The following USH2A variants were observed in gnomAD, a reference collection of about 807,000 sequenced individuals.
The protein encoded by USH2A is usherin, also known as Usher syndrome 2A (autosomal recessive, mild).
Under a neutral mutation model 538.9 loss-of-function variants are expected in USH2A, and 443 were observed. The ratio of observed to expected loss-of-function variants is 0.82; its 90% CI spans 0.76 to 0.89. The LOEUF (loss-of-function observed/expected upper bound fraction) is 0.89, where lower values mean the gene tolerates loss of function less well. Among genes scored for constraint, USH2A ranks in the 40% least tolerant of loss-of-function variants. USH2A has a pLI of 0.00. For missense variants in USH2A, 6,633 were observed against 6,324.8 expected, an observed-to-expected ratio of 1.05 and a Z score of -1.65; for synonymous variants, 2,413 against 2,273.5, an observed-to-expected ratio of 1.06 and a Z score of -1.75.
intron 32 of USH2A, among the ~76,000 whole-genome samples, chr1:216,046,006 GGTGTGTGTGTGTGTGTGTGTGTGTGT>G (rs59426829): frequency 7.3e-6 from 1 of 137,670 alleles, no homozygotes; most frequent in Non-Finnish European, 1.6e-5. Context: ...CTATTTATCT[GGTGTGTGTGTGTGTGTGTGTGTGTGT>G]GTGTGTGTGT....
intron 16 of USH2A, among the ~76,000 whole-genome samples, chr1:216,206,779 A>T (rs1490720845): frequency 6.6e-6 from 1 of 152,240 alleles, no homozygotes; most frequent in East Asian, 1.9e-4. Context: ...ATTGTTGAAC[A>T]TCTGAATCAT....
At position 216,050,164 on chromosome 1, in the gene USH2A, A is replaced by G. The variant is rs371542094; in HGVS notation, c.6050-1517T>C. ...CACCAAATGGCTTAAAAGCAAGCTA[A>G]CATTATCACATGCACATCTTCATAA... On this transcript the variant is annotated intron_variant, in intron 30 of 71. Transcript: ENST00000307340. 2.8e-4 allele frequency among the ~76,000 whole-genome samples: 42 copies of G among 152,308 alleles called. No individual in the cohort carries two copies. In the South Asian group the frequency reaches 8.5e-3, roughly 31 times the overall value.
chr1:215,679,455 T>G (rs1658151869), intron 62 of USH2A, among the ~76,000 whole-genome samples: 1 of 152,080 alleles, frequency 6.6e-6, no homozygotes, highest in South Asian at 2.1e-4. Context: ...GTAAAGGCAG[T>G]AGTATGAACT....
At chr1:215,845,704 C>T (rs1304496686) in intron 45 of USH2A, 120 bp downstream of exon 45, 2 of 1,077,840 alleles carry the variant, frequency 1.9e-6, no homozygotes, top group Non-Finnish European at 2.8e-6. Flanking sequence ...TTAGCCTCCA[C>T]CCCCTTCCCT....
chr1:216,149,999 A>G (rs1319923616), intron 21 of USH2A, among the ~76,000 whole-genome samples: 1 of 152,048 alleles, frequency 6.6e-6, no homozygotes, highest in African/African-American at 2.4e-5. Context: ...AAGAACAGTA[A>G]TAACCCTTAT....
At chr1:215,710,686 C>T (rs1310338151) in intron 61 of USH2A, among the ~76,000 whole-genome samples, 2 of 152,064 alleles carry the variant, frequency 1.3e-5, no homozygotes, top group South Asian at 2.1e-4. Flanking sequence ...ACATTTACAG[C>T]TGAAACAAAT....
intron 21 of USH2A, among the ~76,000 whole-genome samples, chr1:216,109,034 T>G (rs1174535998): frequency 6.6e-6 from 1 of 152,164 alleles, no homozygotes; most frequent in East Asian, 1.9e-4. Flanking sequence ...CCATTGGTGA[T>G]GCCACCTTTT....
rs1168370179 is a variant in USH2A at position 216,155,182 on chromosome 1, G to A, written c.4627+20070C>T. On this transcript the variant is annotated intron_variant, in intron 21 of 71. Transcript: ENST00000307340. Reference sequence around the variant, plus strand: ...CATAGTTTAACTTGAAAGCAAAGATGATCATAGATGATCATCCCTCCCTAA... The same window carrying A: ...CATAGTTTAACTTGAAAGCAAAGATAATCATAGATGATCATCCCTCCCTAA... Among the ~76,000 whole-genome samples, 7 of 152,074 alleles carry A rather than the reference G, an allele frequency of 4.6e-5. No individual in the cohort carries two copies. The East Asian group carries it at 5.8e-4, about 13-fold the overall frequency.
At chr1:216,180,502 T>A (rs941975849) in intron 20 of USH2A, among the ~76,000 whole-genome samples, 1 of 152,156 alleles carries the variant, frequency 6.6e-6, no homozygotes, top group African/African-American at 2.4e-5. Flanking sequence ...TGAATACATT[T>A]AGACTTGCAA....
At chr1:216,088,858 CT>C (rs1431004733) in intron 23 of USH2A, among the ~76,000 whole-genome samples, 154 bp downstream of exon 23, 1 of 152,104 alleles carries the variant, frequency 6.6e-6, no homozygotes, top group Non-Finnish European at 1.5e-5. Flanking sequence ...AGACTTCATC[CT>C]TTTAGGAGCA....
chr1:215,629,656 A>C (rs1335103756), intron 70 of USH2A, among the ~76,000 whole-genome samples: 2 of 152,130 alleles, frequency 1.3e-5, no homozygotes, highest in Admixed American at 1.3e-4. Context: ...AGAAAAAGTC[A>C]CTACATAATT....
rs1233583863 is a variant in USH2A at position 216,097,161 on chromosome 1, T to G, written c.4680A>C (p.Ala1560=). 2 of 1,614,170 alleles carry G rather than the reference T, an allele frequency of 1.2e-6. No homozygotes were observed. Among genetic ancestry groups the G allele is most frequent in the Non-Finnish European group, 8.5e-7 (1 of 1,179,998 alleles). The change falls in exon 22 of 72, where the codon GCA becomes GCC. Residue 1560 remains alanine, a synonymous_variant. Coordinates refer to ENST00000307340, the MANE Select transcript of USH2A (RefSeq NM_206933.4). ...TKVPEGLIVF[A]ASPGNQEEYF... is the part of the protein sequence containing the mutation. Reference sequence around the variant, plus strand: ...ACTCTTCCTGATTGCCAGGTGATGCTGCAAAGACAATCAAACCTTCAGGCA... The same window carrying G: ...ACTCTTCCTGATTGCCAGGTGATGCGGCAAAGACAATCAAACCTTCAGGCA...
intron 21 of USH2A, among the ~76,000 whole-genome samples, chr1:216,128,902 C>G (rs938952614): frequency 6.6e-6 from 1 of 151,846 alleles, no homozygotes. Context: ...CTTCTTTATC[C>G]CCCTCCCCAT....
intron 42 of USH2A, among the ~76,000 whole-genome samples, chr1:215,878,552 A>G (rs1664830422): frequency 6.6e-6 from 1 of 152,182 alleles, no homozygotes. Flanking sequence ...TTGTGGTTTC[A>G]AGGGTTTTTA....
In USH2A at chr1:215,674,693, C is replaced by T. The variant is rs776341360; in HGVS notation, c.13218G>A (p.Leu4406=). 5 of 1,614,072 alleles carry T rather than the reference C, an allele frequency of 3.1e-6. No individual in the cohort carries two copies. The highest frequency in any genetic ancestry group is 4.2e-6 in the Non-Finnish European group (5 of 1,180,010). The change falls in exon 63 of 72, where the codon CTG becomes CTA. Residue 4406 remains leucine (L), a synonymous_variant. Coordinates refer to ENST00000307340, the MANE Select transcript of USH2A (RefSeq NM_206933.4). ...KESLAGQGLC[L]LVSHLQPYSQ... is the part of the protein sequence containing the mutation. ...AGTAAGGCTGCAGGTGGGAAACCAG[C>T]AGGCACAGGCCCTGGCCAGCAAGGG...
chr1:216,283,501 T>C (rs1024133613), intron 11 of USH2A, among the ~76,000 whole-genome samples: 1 of 152,238 alleles, frequency 6.6e-6, no homozygotes, highest in Non-Finnish European at 1.5e-5. Flanking sequence ...CAATGTCTTT[T>C]ATTTCATTTT....
At chr1:216,138,532 TTC>T (rs1203491660) in intron 21 of USH2A, among the ~76,000 whole-genome samples, 18 of 152,208 alleles carry the variant, frequency 1.2e-4, no homozygotes, top group Admixed American at 1.2e-3. Context: ...ACAGTGTTTT[TTC>T]TGTCTTTTAT....
intron 22 of USH2A, among the ~76,000 whole-genome samples, chr1:216,091,396 A>T (rs2032298506): frequency 6.6e-6 from 1 of 152,256 alleles, no homozygotes. Flanking sequence ...AGTATATTCA[A>T]AATTGAATTT....
chr1:216,314,653 C>A lies in USH2A; in HGVS notation c.1644+7230G>T, dbSNP rs533729422. 9.8e-4 allele frequency among the ~76,000 whole-genome samples: 149 copies of A among 152,048 alleles called. 1 individual carries two copies. The highest frequency in any genetic ancestry group is 3.4e-3 in the African/African-American group (143 of 41,480). On this transcript the variant is annotated intron_variant, in intron 9 of 71. Coordinates refer to ENST00000307340, the MANE Select transcript of USH2A (RefSeq NM_206933.4). ...GCATTCTAGAGTGTGATGTTGGCAC[C>A]ATTCAAATTATTGAGTGGTAGGAAG...
Sources: allele counts gnomAD v4.1 joint callset (sites outside exome capture counted in the v4.1 genomes callset), GRCh38; gene constraint gnomAD v4.1.1; transcripts MANE v1.5; gene names NCBI Gene and HGNC (gene_info 2026-07-23, HGNC 2026-07-21).